The following ADAMTS12 variants were observed in gnomAD, a reference collection of about 807,000 sequenced individuals.
ADAMTS12 encodes the protein A disintegrin and metalloproteinase with thrombospondin motifs 12.
A neutral mutation model predicts 167.8 loss-of-function variants in ADAMTS12; 118 were observed. The ratio of observed to expected loss-of-function variants is 0.70; its 90% CI spans 0.61 to 0.82. The LOEUF is 0.82. Among genes scored for constraint, ADAMTS12 ranks in the 40% least tolerant of loss-of-function variants. The pLI, the probability that ADAMTS12 is intolerant of heterozygous loss-of-function variation, is 0.00. For synonymous variants in ADAMTS12, 704 were observed against 716.9 expected (o/e 0.98, Z 0.29); for missense variants, 1,916 against 1,998.8 (o/e 0.96, Z 0.79).
chr5:33,796,783 T>C (rs1456688287), intron 2 of ADAMTS12, among the ~76,000 whole-genome samples: 2 of 152,180 alleles, frequency 1.3e-5, no homozygotes, highest in African/African-American at 2.4e-5. Context: ...GGAAAAGAAA[T>C]GGTGCAAGGA....
intron 3 of ADAMTS12, among the ~76,000 whole-genome samples, chr5:33,706,877 C>G (rs1382148403): frequency 6.6e-6 from 1 of 152,150 alleles, no homozygotes; most frequent in Non-Finnish European, 1.5e-5. Context: ...GCAAGCATTC[C>G]CTTTGAAAAC....
At chr5:33,558,391 G>A (rs1341712168) in intron 20 of ADAMTS12, among the ~76,000 whole-genome samples, 1 of 152,088 alleles carries the variant, frequency 6.6e-6, no homozygotes, top group Non-Finnish European at 1.5e-5. Context: ...TTATATTTTA[G>A]ATATAGTAGT....
At position 33,576,489 on chromosome 5, in the gene ADAMTS12, C is replaced by A; in HGVS notation, c.3537G>T (p.Lys1179Asn). 6.2e-7 allele frequency: 1 copy of A among 1,608,794 alleles called. No individual in the cohort carries two copies. Among genetic ancestry groups the A allele is most frequent in the South Asian group, 1.1e-5 (1 of 89,900 alleles). Residue 1179 changes from lysine (K) to asparagine (N), a missense_variant, in exon 19 of 24, where the codon AAG becomes AAT. Transcript: ENST00000504830. ...KDESNPVIWT[K>N]IRVPGNDAPV... The stretch of plus-strand genomic sequence containing the variant: ...GAGCGTCATTTCCAGGTACTCTGAT[C>A]TTGGTCCATATTACAGGATTGCTTT...
At chr5:33,624,182 C>G (rs1013262659) in intron 14 of ADAMTS12, 49 bp downstream of exon 14, 2 of 1,608,638 alleles carry the variant, frequency 1.2e-6, no homozygotes, top group Non-Finnish European at 8.5e-7. Flanking sequence ...ATTTATCTTG[C>G]CCCCCACCTT....
chr5:33,575,170 A>G (rs1001026811), intron 19 of ADAMTS12, among the ~76,000 whole-genome samples: 3 of 152,194 alleles, frequency 2.0e-5, no homozygotes, highest in Non-Finnish European at 4.4e-5. Context: ...AATTTTTTAA[A>G]TGCAAGCACT....
intron 19 of ADAMTS12, among the ~76,000 whole-genome samples, chr5:33,570,824 C>A (rs1360153630): frequency 1.4e-4 from 21 of 150,368 alleles, no homozygotes; most frequent in African/African-American, 4.7e-4. Context: ...GAGTCAAGAC[C>A]CATCAGTGTG....
intron 14 of ADAMTS12, among the ~76,000 whole-genome samples, chr5:33,617,287 T>A (rs1739072300): frequency 1.3e-5 from 2 of 152,054 alleles, no homozygotes; most frequent in Admixed American, 1.3e-4. Flanking sequence ...CCACTGGATA[T>A]GCACTACGTT....
At chr5:33,684,187 T>A (rs1742239271) in intron 3 of ADAMTS12, 132 bp from the exon 4 acceptor site, 1 of 606,890 alleles carries the variant, frequency 1.6e-6, no homozygotes, top group South Asian at 7.8e-5. Flanking sequence ...TTTACGTACA[T>A]AACCAAAATA....
chr5:33,565,500 C>T (rs1052941710), intron 19 of ADAMTS12, among the ~76,000 whole-genome samples: 2 of 152,174 alleles, frequency 1.3e-5, no homozygotes, highest in South Asian at 4.1e-4. Flanking sequence ...ACAAAGAGAG[C>T]AGGCACCAGG....
intron 23 of ADAMTS12, among the ~76,000 whole-genome samples, chr5:33,534,037 A>G (rs369153962): frequency 7.9e-5 from 12 of 152,202 alleles, no homozygotes; most frequent in Admixed American, 2.0e-4. Flanking sequence ...TTACATGTCA[A>G]TGAAGCCCAA....
At chr5:33,549,442 C>T in intron 20 of ADAMTS12, 59 bp from the exon 21 acceptor site, 1 of 1,571,552 alleles carries the variant, frequency 6.4e-7, no homozygotes, top group Non-Finnish European at 8.7e-7. Context: ...GCCTCCCTTC[C>T]TTCCCCTCAG....
intron 2 of ADAMTS12, among the ~76,000 whole-genome samples, chr5:33,826,347 T>G (rs1307440611): frequency 6.6e-6 from 1 of 151,446 alleles, no homozygotes; most frequent in Non-Finnish European, 1.5e-5. Context: ...CCCACCTAAC[T>G]CACCCATTAA....
intron 3 of ADAMTS12, among the ~76,000 whole-genome samples, chr5:33,708,963 A>G (rs1743293553): frequency 6.6e-6 from 1 of 152,064 alleles, no homozygotes; most frequent in Admixed American, 6.6e-5. Flanking sequence ...AAAAAATAAA[A>G]AAACAAATAA....
chr5:33,525,771 C>G lies in ADAMTS12; in HGVS notation c.*1417G>C, dbSNP rs945149572. 1 of 152,218 alleles carries G rather than the reference C, an allele frequency of 6.6e-6. No individual in the cohort carries two copies. The highest frequency in any genetic ancestry group is 2.4e-5 in the African/African-American group (1 of 41,446). The allele number at this position is 152,218 out of a possible 1,614,324, so 9.4% of individuals were successfully genotyped here. On this transcript the variant is annotated 3_prime_UTR_variant, in exon 24 of 24. Transcript: ENST00000504830. ...GCCACATCCTTGCCTTTCTCCCTGT[C>G]AAGAATTGGTTCTGATATCTTCTTT...
intron 2 of ADAMTS12, among the ~76,000 whole-genome samples, chr5:33,868,290 G>A (rs999562304): frequency 1.3e-5 from 2 of 152,314 alleles, no homozygotes; most frequent in South Asian, 2.1e-4. Context: ...GCAGAGGTTG[G>A]AACAGTTTGG....
At chr5:33,818,782 C>T (rs1375839506) in intron 2 of ADAMTS12, among the ~76,000 whole-genome samples, 3 of 152,174 alleles carry the variant, frequency 2.0e-5, no homozygotes, top group Middle Eastern at 3.4e-3. Flanking sequence ...GCCAAACTTA[C>T]CAGTGTGAGG....
Position 33,643,441 on chromosome 5 carries a change from C to T in ADAMTS12, c.1509G>A (p.Val503=), listed in dbSNP as rs1399891170. The part of the protein sequence containing the change: ...ENVCQTLWCS[V]KGFCRSKLDA... ...CCAGCTTAGAGCGACAAAAGCCCTT[C>T]ACGGAGCACCACAGTGTCTGGCAGA... Residue 503 remains valine (V), a synonymous_variant, in exon 10 of 24, where the codon GTG becomes GTA. Transcript: ENST00000504830. The T allele has an allele frequency of 1.9e-6, 3 of 1,614,152 alleles. No homozygotes were observed. The highest frequency in any genetic ancestry group is 2.5e-6 in the Non-Finnish European group (3 of 1,179,978).
intron 3 of ADAMTS12, among the ~76,000 whole-genome samples, chr5:33,724,482 A>T (rs757073887): frequency 3.3e-5 from 5 of 152,132 alleles, no homozygotes; most frequent in Admixed American, 6.5e-5. Flanking sequence ...TTCTGAACAC[A>T]CTGTTACTGA....
intron 23 of ADAMTS12, among the ~76,000 whole-genome samples, chr5:33,528,763 C>T (rs918604486): frequency 1.3e-5 from 2 of 152,194 alleles, no homozygotes; most frequent in East Asian, 1.9e-4. Context: ...CCAATGCTTC[C>T]GGGCCGGGCA....
Sources: gnomAD v4.1 joint callset for allele counts (sites outside exome capture counted in the v4.1 genomes callset) on GRCh38, gnomAD v4.1.1 for gene constraint, MANE v1.5 for transcripts, NCBI Gene and HGNC (gene_info 2026-07-23, HGNC 2026-07-21) for gene names.